The following RNF144A variants were observed in gnomAD, a reference collection of about 807,000 sequenced individuals.
RNF144A encodes ring finger protein 144A, also known as E3 ubiquitin-protein ligase RNF144A.
Under a neutral mutation model 38.7 loss-of-function variants are expected in RNF144A, and 11 were observed. The observed-to-expected ratio is 0.28, with a 90% CI of 0.18 to 0.47. RNF144A has a LOEUF of 0.47. Among genes scored for constraint, RNF144A ranks in the 20% least tolerant of loss-of-function variants. RNF144A has a pLI of 0.99. For missense variants in RNF144A, 316 were observed against 377.2 expected, an observed-to-expected ratio of 0.84 and a Z score of 1.34; for synonymous variants, 149 against 143.9, an observed-to-expected ratio of 1.04 and a Z score of -0.25.
chr2:6,967,723 C>G (rs1423751869), intron 2 of RNF144A, among the ~76,000 whole-genome samples: 1 of 152,238 alleles, frequency 6.6e-6, no homozygotes, highest in Non-Finnish European at 1.5e-5. Context: ...GCTCAAGAAA[C>G]TCACCTACTA....
intron 2 of RNF144A, among the ~76,000 whole-genome samples, chr2:6,969,982 G>A (rs1667900682): frequency 2.0e-5 from 3 of 152,128 alleles, no homozygotes; most frequent in Middle Eastern, 3.4e-3. Flanking sequence ...GGATGGTCTC[G>A]ATCTCCTGAC....
At position 7,014,786 on chromosome 2, in the gene RNF144A, A is replaced by C; in HGVS notation, c.301+14A>C. ...AATTTGAAAGAGGTAGGTGCCTGGT[A>C]TATCTGCCGGTTATGATTCCTGTAA... On this transcript the variant is annotated intron_variant, in intron 5 of 8. Transcript: ENST00000320892. The C allele has an allele frequency of 6.3e-7, 1 of 1,586,862 alleles. No homozygotes were observed. Among genetic ancestry groups the C allele is most frequent in the Non-Finnish European group, 8.6e-7 (1 of 1,156,432 alleles).
intron 8 of RNF144A, among the ~76,000 whole-genome samples, chr2:7,039,032 T>G (rs1257721659): frequency 6.6e-6 from 1 of 151,824 alleles, no homozygotes; most frequent in Admixed American, 6.6e-5. Context: ...GATAGATGGA[T>G]GGGTAGGTGG....
chr2:6,922,404 C>T (rs186339802), intron 1 of RNF144A, among the ~76,000 whole-genome samples: 4 of 152,302 alleles, frequency 2.6e-5, no homozygotes, highest in Non-Finnish European at 4.4e-5. Flanking sequence ...GCTTTTGTGT[C>T]TGTCCAAGGA....
intron 2 of RNF144A, among the ~76,000 whole-genome samples, chr2:6,991,345 C>T (rs1331683792): frequency 6.6e-6 from 1 of 152,196 alleles, no homozygotes; most frequent in Non-Finnish European, 1.5e-5. Context: ...TACTCAGCCA[C>T]AGTTCTCCAA....
rs572954836 is a variant in RNF144A, at chr2:7,061,573, C to T, written c.735-6643C>T. 6.7e-4 allele frequency among the ~76,000 whole-genome samples: 102 copies of T among 152,214 alleles called. 1 individual carries two copies. Among genetic ancestry groups the T allele is most frequent in the African/African-American group, 2.1e-3 (89 of 41,538 alleles). On this transcript the variant is annotated intron_variant, in intron 6 of 6. Transcript: ENST00000432850. ...CCGTGTCTATCTGCACACATTTCTA[C>T]GGGCCATGTTTCCATCACAAGCAGC...
At chr2:7,070,470 T>C (rs1249139067), downstream of RNF144A, among the ~76,000 whole-genome samples, 1 of 152,230 alleles carries the variant, frequency 6.6e-6, no homozygotes, top group Non-Finnish European at 1.5e-5. Context: ...TTTCTACTAC[T>C]AGTATGAGCC....
Position 7,044,059 on chromosome 2 carries a change from G to A in RNF144A, c.*4299G>A, listed in dbSNP as rs1200755353. ...TGTACTCTGGAATCATATGGAAAAA[G>A]TTTGATTTGTAATTTCAATACATAT... On this transcript the variant is annotated 3_prime_UTR_variant, in exon 9 of 9. Transcript: ENST00000320892. 3.0e-6 allele frequency: 3 copies of A among 985,646 alleles called. No homozygotes were observed. The highest frequency in any genetic ancestry group is 4.7e-5 in the South Asian group (1 of 21,294). 61.1% of individuals were successfully genotyped at this position (985,646 alleles called of 1,614,324 possible).
downstream of RNF144A, among the ~76,000 whole-genome samples, chr2:7,048,454 A>T (rs13425074): frequency 0.061 from 9,329 of 152,242 alleles, 621 homozygotes; most frequent in African/African-American, 0.17. Context: ...GTCTTGCCCT[A>T]TAACAAACAA....
At chr2:7,026,116 T>C (rs1671876355) in intron 7 of RNF144A, among the ~76,000 whole-genome samples, 1 of 152,138 alleles carries the variant, frequency 6.6e-6, no homozygotes, top group Non-Finnish European at 1.5e-5. Flanking sequence ...GGCTGAGAGA[T>C]TTGTCTAGAA....
chr2:6,978,913 T>A lies in RNF144A; in HGVS notation c.-11-18003T>A, dbSNP rs1317437367. On this transcript the variant is annotated intron_variant, in intron 2 of 8. Transcript: ENST00000320892. ...TCCAGCAAAGGGATGGAGCACTGGATGGGTGAGGATTGGCATCCAGAAGAA... is the reference window on the plus strand; with the variant it reads ...TCCAGCAAAGGGATGGAGCACTGGAAGGGTGAGGATTGGCATCCAGAAGAA... 11 of 152,646 alleles carry A rather than the reference T, an allele frequency of 7.2e-5. No homozygotes were observed. The Admixed American group carries it at 7.2e-4, about 10-fold the overall frequency. The allele number at this position is 152,646 out of a possible 1,614,324, so 9.5% of individuals were successfully genotyped here.
At chr2:6,954,018 T>G (rs1429370048) in intron 2 of RNF144A, among the ~76,000 whole-genome samples, 3 of 152,122 alleles carry the variant, frequency 2.0e-5, no homozygotes, top group Non-Finnish European at 4.4e-5. Flanking sequence ...TTAAAGCCTG[T>G]TTTGTCGATA....
chr2:7,049,266 T>C (rs309292), intron 6 of RNF144A, among the ~76,000 whole-genome samples: 54,695 of 152,088 alleles, frequency 0.36, 10,782 homozygotes, highest in South Asian at 0.56. Flanking sequence ...AGAAACACTG[T>C]ATAGTGGCTG....
rs1056169562 is a variant in RNF144A, at chr2:6,941,266, T to C, written c.-12+119T>C. 1 of 152,262 alleles carries C rather than the reference T, an allele frequency of 6.6e-6. No homozygotes were observed. The highest frequency in any genetic ancestry group is 2.4e-5 in the African/African-American group (1 of 41,470). 9.4% of individuals were successfully genotyped at this position (152,262 alleles called of 1,614,324 possible). A position where few individuals can be genotyped will look rare whatever the true frequency, so the allele number is the denominator to read the frequency against. ...GCCTGGGTGGATTTTTCTATACCTG[T>C]TAAGCCATACCATAAAGGCAATTTT... On this transcript the variant is annotated intron_variant, in intron 2 of 8. Transcript: ENST00000320892. The surrounding 1 kb of genome is among the most constrained non-coding windows in gnomAD (Gnocchi z 6.5).
intron 2 of RNF144A, among the ~76,000 whole-genome samples, chr2:6,965,370 G>A (rs1348096624): frequency 6.6e-6 from 1 of 152,182 alleles, no homozygotes; most frequent in Non-Finnish European, 1.5e-5. Context: ...GAAGGCAGGT[G>A]GAAGCTCTTA....
intron 2 of RNF144A, among the ~76,000 whole-genome samples, chr2:6,968,740 A>G (rs1280430961): frequency 2.6e-5 from 4 of 151,948 alleles, no homozygotes; most frequent in Non-Finnish European, 2.9e-5. Flanking sequence ...AAACGCATCA[A>G]CTCTTCTTCA....
intron 6 of RNF144A, among the ~76,000 whole-genome samples, chr2:7,050,224 G>A (rs1327856371): frequency 6.6e-6 from 1 of 152,116 alleles, no homozygotes; most frequent in Non-Finnish European, 1.5e-5. Context: ...GGAGATAATT[G>A]AACCATGGTG....
intron 3 of RNF144A, among the ~76,000 whole-genome samples, chr2:7,002,131 C>T (rs1474964149): frequency 3.9e-5 from 6 of 152,338 alleles, no homozygotes; most frequent in Admixed American, 2.0e-4. Flanking sequence ...GGCATTTCCT[C>T]ACCTAGAAAT....
chr2:7,032,940 G>A (rs1672421865), intron 8 of RNF144A, among the ~76,000 whole-genome samples: 1 of 152,250 alleles, frequency 6.6e-6, no homozygotes, highest in African/African-American at 2.4e-5. Context: ...TGTAGGTAGG[G>A]GGTGACTGGG....
Sources: allele counts gnomAD v4.1 joint callset (sites outside exome capture counted in the v4.1 genomes callset), GRCh38; gene constraint gnomAD v4.1.1; non-coding constraint Gnocchi (gnomAD v3.1); transcripts MANE v1.5; gene names NCBI Gene and HGNC (gene_info 2026-07-23, HGNC 2026-07-21).